Variants in ADARB1 observed in about 807,000 individuals in gnomAD.
The protein encoded by ADARB1 is double-stranded RNA-specific editase 1.
ADARB1 carries 10 observed loss-of-function variants against 52.4 expected under a neutral mutation model. That is an observed-to-expected ratio of 0.19 (90% CI 0.12 to 0.32). The LOEUF is 0.32. ADARB1 is among the 10% of genes least tolerant of loss of function. The pLI is 1.00. For missense variants in ADARB1, 643 were observed against 922.3 expected, an observed-to-expected ratio of 0.70 and a Z score of 3.92; for synonymous variants, 349 against 371.1, an observed-to-expected ratio of 0.94 and a Z score of 0.68.
At position 45,176,694 on chromosome 21, in the gene ADARB1, C is replaced by T. The variant is rs555936565; in HGVS notation, c.963+30C>T. 52 of 1,557,240 alleles carry T rather than the reference C, an allele frequency of 3.3e-5. No homozygotes were observed. Among genetic ancestry groups the T allele is most frequent in the African/African-American group, 9.6e-5 (7 of 73,060 alleles). On this transcript the variant is annotated intron_variant, in intron 4 of 10. Transcript: ENST00000348831. The surrounding 1 kb of genome is among the most constrained non-coding windows in gnomAD (Gnocchi z 5.8). ...GGAACTATGCTGCTGCTTTAAAACACGGGGTCATTGCTCTTGGTAATGCTT... is the reference window on the plus strand; with the variant it reads ...GGAACTATGCTGCTGCTTTAAAACATGGGGTCATTGCTCTTGGTAATGCTT...
At chr21:45,129,222 C>G (rs2088782240) in intron 2 of ADARB1, among the ~76,000 whole-genome samples, 1 of 151,408 alleles carries the variant, frequency 6.6e-6, no homozygotes, top group Non-Finnish European at 1.5e-5. Context: ...GAGCAAGACT[C>G]TTTCTCAAAA....
intron 1 of ADARB1, among the ~76,000 whole-genome samples, chr21:45,113,277 G>A (rs763079534): frequency 6.6e-6 from 1 of 151,996 alleles, no homozygotes; most frequent in Non-Finnish European, 1.5e-5. Context: ...ACAAAAATTA[G>A]CCAGGCGTGG....
chr21:45,216,891 G>T (rs549071874), intron 9 of ADARB1, among the ~76,000 whole-genome samples: 3 of 151,940 alleles, frequency 2.0e-5, no homozygotes, highest in Admixed American at 6.5e-5. Context: ...GTGATTAGAT[G>T]CATAAAAATG....
chr21:45,206,593 A>G (rs1426314937), intron 9 of ADARB1, among the ~76,000 whole-genome samples: 1 of 63,856 alleles, frequency 1.6e-5, no homozygotes, highest in Admixed American at 2.5e-4. Flanking sequence ...TTTTTTTTTG[A>G]GACAGAGTCT....
intron 2 of ADARB1, among the ~76,000 whole-genome samples, chr21:45,161,657 G>A (rs2090977024): frequency 6.6e-6 from 1 of 152,210 alleles, no homozygotes; most frequent in South Asian, 2.1e-4. Context: ...GCCGGAGGCA[G>A]ACAAGCTCCT....
At chr21:45,136,639 C>CG (rs1555894873) in intron 2 of ADARB1, among the ~76,000 whole-genome samples, 1 of 152,192 alleles carries the variant, frequency 6.6e-6, no homozygotes, top group African/African-American at 2.4e-5. Flanking sequence ...GGACAGCTGG[C>CG]GGGGGTAGAA....
At chr21:45,205,617 C>T (rs1369284571) in intron 9 of ADARB1, among the ~76,000 whole-genome samples, 1 of 152,202 alleles carries the variant, frequency 6.6e-6, no homozygotes, top group African/African-American at 2.4e-5. Flanking sequence ...CTGCACCTAC[C>T]CTCGATTCCC....
Position 45,142,813 on chromosome 21 carries a change from G to A in ADARB1, c.-48+14240G>A, listed in dbSNP as rs969324597. 2.0e-5 allele frequency among the ~76,000 whole-genome samples: 3 copies of A among 152,204 alleles called. No individual in the cohort carries two copies. Among genetic ancestry groups the A allele is most frequent in the Admixed American group, 2.0e-4 (3 of 15,284 alleles). ...TTTGCAGGGGGATCTGAGGGGCCCA[G>A]AAGGTAAGAAATTGCCTACGGCCCT... On this transcript the variant is annotated intron_variant, in intron 2 of 10. Coordinates refer to ENST00000348831, the MANE Select transcript of ADARB1 (RefSeq NM_001112.4). This position sits in a 1 kb window ranked among gnomAD's most constrained non-coding sequence, Gnocchi z 4.0.
intron 2 of ADARB1, among the ~76,000 whole-genome samples, chr21:45,159,961 AG>A (rs2090878237): frequency 6.6e-6 from 1 of 152,264 alleles, no homozygotes; most frequent in African/African-American, 2.4e-5. Flanking sequence ...AACTTTCAAA[AG>A]TCAACGTATT....
At chr21:45,134,832 G>C in intron 2 of ADARB1, 2 of 534,228 alleles carry the variant, frequency 3.7e-6, no homozygotes, top group Non-Finnish European at 7.7e-6. Flanking sequence ...TTGCCAGCCA[G>C]GTCAGTGGGT....
rs567152594 is a variant in ADARB1 at position 45,123,145 on chromosome 21, A to T, written c.-219-5257A>T. ...TGAACATGGACACATATATAAGAGA[A>T]TAATTTTAATTGCATGTCCATGTAA... On this transcript the variant is annotated intron_variant, in intron 1 of 10. Coordinates refer to ENST00000348831, the MANE Select transcript of ADARB1 (RefSeq NM_001112.4). 7.9e-4 allele frequency among the ~76,000 whole-genome samples: 121 copies of T among 152,322 alleles called. 1 individual carries two copies. Among genetic ancestry groups the T allele is most frequent in the African/African-American group, 2.9e-3 (119 of 41,570 alleles).
intron 1 of ADARB1, among the ~76,000 whole-genome samples, chr21:45,082,479 A>G (rs1357972745): frequency 1.3e-5 from 2 of 152,180 alleles, no homozygotes; most frequent in Non-Finnish European, 2.9e-5. Flanking sequence ...AAACACAGAC[A>G]CGTGCATTTA....
At chr21:45,152,699 G>A (rs2090359053) in intron 2 of ADARB1, 1 of 441,660 alleles carries the variant, frequency 2.3e-6, no homozygotes, top group Non-Finnish European at 4.6e-6. Context: ...GAAGCGCTCT[G>A]AGAGGAAAGG....
In ADARB1 at chr21:45,224,445, G is replaced by A. The variant is rs567487640; in HGVS notation, c.*2248G>A. On this transcript the variant is annotated 3_prime_UTR_variant, in exon 11 of 11. Coordinates refer to ENST00000348831, the MANE Select transcript of ADARB1 (RefSeq NM_001112.4). ...GGCACAGGGCACCCTATCCCAAGCCGTCCAGGCAGGAGGAAGGCAGCCAAG... is the reference window on the plus strand; with the variant it reads ...GGCACAGGGCACCCTATCCCAAGCCATCCAGGCAGGAGGAAGGCAGCCAAG... 65 of 923,922 alleles carry A rather than the reference G, an allele frequency of 7.0e-5. No homozygotes were observed. The East Asian group carries it at 5.2e-3, about 73-fold the overall frequency. The allele number at this position is 923,922 out of a possible 1,614,324, so 57.2% of individuals were successfully genotyped here. A position where few individuals can be genotyped will look rare whatever the true frequency, so the allele number is the denominator to read the frequency against.
chr21:45,109,317 CGCGTGTGCGT>C (rs1298289522), intron 1 of ADARB1, among the ~76,000 whole-genome samples: 18 of 152,238 alleles, frequency 1.2e-4, no homozygotes, highest in African/African-American at 4.1e-4. Context: ...CGTGTGTGCG[CGCGTGTGCGT>C]ATATGTGTGT....
At chr21:45,159,752 G>A (rs1361185321) in intron 2 of ADARB1, among the ~76,000 whole-genome samples, 1 of 152,082 alleles carries the variant, frequency 6.6e-6, no homozygotes, top group Non-Finnish European at 1.5e-5. Context: ...TTACCCTCTG[G>A]ACAGCAGTGT....
At chr21:45,210,768 G>A (rs2092752681) in intron 9 of ADARB1, among the ~76,000 whole-genome samples, 1 of 152,240 alleles carries the variant, frequency 6.6e-6, no homozygotes, top group African/African-American at 2.4e-5. Flanking sequence ...TGCCTCCCAT[G>A]GACGAAGACA....
In ADARB1 at chr21:45,220,956, G is replaced by A. The variant is rs775065806; in HGVS notation, c.1868G>A (p.Arg623His). The change falls in exon 10 of 11, where the codon CGC (arginine) becomes CAC (histidine). Residue 623 changes from arginine (R) to histidine (H), a missense_variant. Arg to His is a conservative substitution (Grantham distance 29). Coordinates refer to ENST00000348831, the MANE Select transcript of ADARB1 (RefSeq NM_001112.4). This position sits in a 1 kb window ranked among gnomAD's most constrained non-coding sequence, Gnocchi z 6.3. ...ACGACTGGGAAGGATGAGCTGGGCC[G>A]CGCGTCCCGCCTGTGTAAGCACGCG... Reference protein sequence around the residue: ...NATTGKDELGRASRLCKHALY... With the variant: ...NATTGKDELGHASRLCKHALY... 17 of 1,613,168 alleles carry A rather than the reference G, an allele frequency of 1.1e-5. No homozygotes were observed. The highest frequency in any genetic ancestry group is 6.6e-5 in the South Asian group (6 of 91,090).
At chr21:45,145,158 C>T (rs1407110108) in intron 2 of ADARB1, 1 of 152,230 alleles carries the variant, frequency 6.6e-6, no homozygotes, top group African/African-American at 2.4e-5. Context: ...TCCCTTGTGC[C>T]CATAGAATTG....
Sources: gnomAD v4.1 joint callset for allele counts (sites outside exome capture counted in the v4.1 genomes callset) on GRCh38, gnomAD v4.1.1 for gene constraint, Gnocchi (gnomAD v3.1) non-coding constraint, MANE v1.5 for transcripts, NCBI Gene and HGNC (gene_info 2026-07-23, HGNC 2026-07-21) for gene names.